Variants in HMGB1 observed in about 807,000 individuals in gnomAD.
HMGB1 encodes high mobility group box 1.
For synonymous variants in HMGB1, 81 were observed against 84.0 expected, an observed-to-expected ratio of 0.96 and a Z score of 0.19; for missense variants, 79 against 253.5, an observed-to-expected ratio of 0.31 and a Z score of 4.67.
chr13:30,519,228 A>G (rs1566013042), intron 1 of HMGB1, among the ~76,000 whole-genome samples: 1 of 151,520 alleles, frequency 6.6e-6, no homozygotes, highest in South Asian at 2.1e-4. Flanking sequence ...CCCCGTCTCT[A>G]TTAAAAATAC....
chr13:30,581,957 T>C (rs1290545627), intron 1 of HMGB1, among the ~76,000 whole-genome samples: 1 of 152,214 alleles, frequency 6.6e-6, no homozygotes, highest in Non-Finnish European at 1.5e-5. Context: ...AGGAAGTGTT[T>C]TATGATTATC....
chr13:30,519,561 G>A (rs1226831315), intron 1 of HMGB1, among the ~76,000 whole-genome samples: 26 of 150,392 alleles, frequency 1.7e-4, no homozygotes, highest in Middle Eastern at 3.5e-3. Context: ...TTAGCCAGGC[G>A]TGGTGGCGGG....
intron 1 of HMGB1, among the ~76,000 whole-genome samples, chr13:30,594,061 TAA>T (rs1871489671): frequency 1.3e-5 from 2 of 152,364 alleles, no homozygotes; most frequent in South Asian, 4.1e-4. Flanking sequence ...ATGATGTATG[TAA>T]GTTACCCTTA....
chr13:30,485,823 A>G (rs1419275910), intron 1 of HMGB1, among the ~76,000 whole-genome samples: 2 of 152,218 alleles, frequency 1.3e-5, no homozygotes, highest in African/African-American at 2.4e-5. Flanking sequence ...TTTGCTGTTC[A>G]TTAGACTAGT....
chr13:30,513,543 T>C (rs527680254), intron 1 of HMGB1, among the ~76,000 whole-genome samples: 84 of 152,330 alleles, frequency 5.5e-4, no homozygotes, highest in Non-Finnish European at 1.1e-3. Context: ...AGTGCTGAAA[T>C]CATTCCAGAG....
In HMGB1 at chr13:30,601,483, C is replaced by T. The variant is rs573526085; in HGVS notation, c.-15+15188G>A. ...GGTTGTGGCCGGGCGCGGTGGCTCACGCCTGTAATCCCAGCACTTTGGGAG... is the reference window on the plus strand; with the variant it reads ...GGTTGTGGCCGGGCGCGGTGGCTCATGCCTGTAATCCCAGCACTTTGGGAG... On this transcript the variant is annotated intron_variant, in intron 1 of 4. Coordinates refer to the HMGB1 transcript ENST00000405805. 2.1e-4 allele frequency among the ~76,000 whole-genome samples: 8 copies of T among 38,474 alleles called. 1 individual carries two copies. The South Asian group carries it at 3.8e-3, about 18-fold the overall frequency. 25.2% of individuals were successfully genotyped at this position (38,474 alleles called of 152,430 possible). A position where few individuals can be genotyped will look rare whatever the true frequency, so the allele number is the denominator to read the frequency against.
At chr13:30,524,112 C>A (rs1440818277) in intron 1 of HMGB1, among the ~76,000 whole-genome samples, 1 of 151,984 alleles carries the variant, frequency 6.6e-6, no homozygotes, top group Non-Finnish European at 1.5e-5. Flanking sequence ...ACCACATGCT[C>A]TCACTCGTAA....
intron 1 of HMGB1, among the ~76,000 whole-genome samples, chr13:30,571,432 C>T (rs1168513215): frequency 1.3e-5 from 2 of 151,888 alleles, no homozygotes; most frequent in African/African-American, 2.4e-5. Context: ...GTAGCTGGGA[C>T]TACAGGCATG....
At chr13:30,509,637 A>G (rs951992623) in intron 1 of HMGB1, among the ~76,000 whole-genome samples, 28 of 152,194 alleles carry the variant, frequency 1.8e-4, no homozygotes, top group Non-Finnish European at 3.7e-4. Flanking sequence ...ATAATGAGAT[A>G]ATGCAGGAAT....
chr13:30,576,393 G>A (rs2137538389), intron 1 of HMGB1, among the ~76,000 whole-genome samples: 1 of 152,140 alleles, frequency 6.6e-6, no homozygotes. Flanking sequence ...GCAATAAAAA[G>A]CTATGATTCT....
intron 1 of HMGB1, among the ~76,000 whole-genome samples, chr13:30,614,749 T>C (rs1950544317): frequency 6.6e-6 from 1 of 152,066 alleles, no homozygotes; most frequent in Non-Finnish European, 1.5e-5. Flanking sequence ...CAGGCTGGAG[T>C]GCAGTGGTGT....
At chr13:30,606,395 A>C (rs1950458820) in intron 1 of HMGB1, among the ~76,000 whole-genome samples, 1 of 152,188 alleles carries the variant, frequency 6.6e-6, no homozygotes, top group Non-Finnish European at 1.5e-5. Context: ...TTCAGAAAAA[A>C]ACTACTACCA....
intron 1 of HMGB1, among the ~76,000 whole-genome samples, chr13:30,568,380 A>T (rs939266515): frequency 3.3e-5 from 5 of 152,056 alleles, no homozygotes; most frequent in Non-Finnish European, 7.4e-5. Flanking sequence ...GGTGGCATGC[A>T]CCTGAAGTTC....
At chr13:30,489,969 G>A (rs894507884) in intron 1 of HMGB1, among the ~76,000 whole-genome samples, 2 of 139,844 alleles carry the variant, frequency 1.4e-5, no homozygotes, top group African/African-American at 2.7e-5. Flanking sequence ...CAAGTGATCC[G>A]CCTGCCCCGG....
chr13:30,506,382 C>T (rs1231550361), intron 1 of HMGB1, among the ~76,000 whole-genome samples: 1 of 152,158 alleles, frequency 6.6e-6, no homozygotes, highest in East Asian at 1.9e-4. Flanking sequence ...AGCTGCGTTC[C>T]CAGACCCACC....
In HMGB1 at chr13:30,462,597, C is replaced by T. The variant is rs149451974; in HGVS notation, c.412G>A (p.Ala138Thr). 1 of 1,610,220 alleles carries T rather than the reference C, an allele frequency of 6.2e-7. No individual in the cohort carries two copies. The highest frequency in any genetic ancestry group is 8.5e-7 in the Non-Finnish European group (1 of 1,176,480). ...TTTTCATAAGGCTGCTTGTCATCTG[C>T]AGCAGTGTTATTCCACATCTCTCCC... is the stretch of plus-strand genomic sequence containing the variant. ...KLGEMWNNTA[A>T]DDKQPYEKKA... Residue 138 changes from alanine to threonine, a missense_variant, in exon 4 of 5, where the codon GCA (alanine) becomes ACA (threonine). Ala to Thr is a moderately conservative substitution (Grantham distance 58, BLOSUM62 0). Coordinates refer to ENST00000341423, the MANE Select transcript of HMGB1 (RefSeq NM_002128.7).
At chr13:30,583,019 T>C (rs1870971644) in intron 1 of HMGB1, among the ~76,000 whole-genome samples, 1 of 152,088 alleles carries the variant, frequency 6.6e-6, no homozygotes, top group Non-Finnish European at 1.5e-5. Flanking sequence ...ACAGCATCCA[T>C]ACTGATCTAT....
intron 1 of HMGB1, among the ~76,000 whole-genome samples, chr13:30,570,325 A>G (rs972313235): frequency 6.6e-6 from 1 of 152,214 alleles, no homozygotes; most frequent in African/African-American, 2.4e-5. Flanking sequence ...TAATGATTCA[A>G]GTTCTCATTC....
At chr13:30,600,087 T>C (rs999058907) in intron 1 of HMGB1, among the ~76,000 whole-genome samples, 2 of 152,230 alleles carry the variant, frequency 1.3e-5, no homozygotes, top group African/African-American at 4.8e-5. Context: ...TGGTGGTAGA[T>C]AGACCACAAA....
Sources: allele counts gnomAD v4.1 joint callset (sites outside exome capture counted in the v4.1 genomes callset), GRCh38; gene constraint gnomAD v4.1.1; transcripts MANE v1.5; gene names NCBI Gene and HGNC (gene_info 2026-07-23, HGNC 2026-07-21).